PDS5B: variants seen among roughly 807,000 people sequenced by gnomAD.
The protein encoded by PDS5B is PDS5 cohesin associated factor B.
PDS5B carries 51 observed loss-of-function variants against 184.1 expected under a neutral mutation model. That is an observed-to-expected ratio of 0.28 (90% CI 0.22 to 0.35). PDS5B has a LOEUF of 0.35. Among genes scored for constraint, PDS5B ranks in the 10% least tolerant of loss-of-function variants. The pLI is 1.00. For synonymous variants in PDS5B, 566 were observed against 569.2 expected (o/e 0.99, Z 0.08); for missense variants, 1,180 against 1,723.3 (o/e 0.68, Z 5.58).
At chr13:32,589,560 A>G (rs1214086300) in intron 1 of PDS5B, among the ~76,000 whole-genome samples, 1 of 152,180 alleles carries the variant, frequency 6.6e-6, no homozygotes, top group Non-Finnish European at 1.5e-5. Flanking sequence ...TGAAACTTCT[A>G]AGAGTAATTT....
chr13:32,622,337 T>C (rs1237613770), intron 1 of PDS5B, among the ~76,000 whole-genome samples: 2 of 152,206 alleles, frequency 1.3e-5, no homozygotes, highest in Non-Finnish European at 2.9e-5. Context: ...GTTTTTACAT[T>C]TCCTAACATA....
chr13:32,599,290 A>G (rs1475056939), intron 1 of PDS5B, among the ~76,000 whole-genome samples: 3 of 151,116 alleles, frequency 2.0e-5, no homozygotes, highest in African/African-American at 7.3e-5. Flanking sequence ...GCGAGATTGC[A>G]TCTTGTTTTG....
rs1179547550 is a variant in PDS5B, at chr13:32,672,498, A to T, written c.706-718A>T. On this transcript the variant is annotated intron_variant, in intron 7 of 34. Coordinates refer to ENST00000315596, the MANE Select transcript of PDS5B (RefSeq NM_015032.4). The stretch of plus-strand genomic sequence containing the variant: ...TTTATTAGGGGAATTGACTTATGAG[A>T]TTACAGAGTCTGAGAAGTCCGAGAG... 3.3e-5 allele frequency among the ~76,000 whole-genome samples: 5 copies of T among 152,174 alleles called. No individual in the cohort carries two copies. The South Asian group carries it at 8.3e-4, about 25-fold the overall frequency.
chr13:32,738,143 A>C (rs981664673), intron 21 of PDS5B, among the ~76,000 whole-genome samples: 2 of 152,084 alleles, frequency 1.3e-5, no homozygotes, highest in African/African-American at 4.8e-5. Flanking sequence ...GAATATTTCC[A>C]TTTCTTTACT....
intron 1 of PDS5B, among the ~76,000 whole-genome samples, chr13:32,628,435 C>G (rs1482744034): frequency 4.0e-5 from 6 of 151,704 alleles, no homozygotes. Flanking sequence ...GTAATCCCAG[C>G]TACTTGGGAG....
At chr13:32,628,698 C>T (rs778425547) in intron 1 of PDS5B, among the ~76,000 whole-genome samples, 10 of 152,010 alleles carry the variant, frequency 6.6e-5, no homozygotes, top group East Asian at 1.9e-4. Context: ...TAAACCCACA[C>T]GTGTGCACAC....
At chr13:32,647,004 CT>C (rs1950245009) in intron 1 of PDS5B, among the ~76,000 whole-genome samples, 1 of 152,062 alleles carries the variant, frequency 6.6e-6, no homozygotes, top group African/African-American at 2.4e-5. Flanking sequence ...ACTGTGTGTG[CT>C]CTAAATTTTG....
chr13:32,683,773 A>G (rs545589766), intron 10 of PDS5B, 105 bp from the exon 11 acceptor site: 4 of 675,470 alleles, frequency 5.9e-6, no homozygotes, highest in East Asian at 3.1e-5. Context: ...TGAAACTTCT[A>G]TGTAGGTATT....
chr13:32,716,429 C>A (rs570880786), intron 19 of PDS5B, among the ~76,000 whole-genome samples: 1 of 151,406 alleles, frequency 6.6e-6, no homozygotes, highest in African/African-American at 2.4e-5. Flanking sequence ...GCCTGGCAAC[C>A]GCCCCATCTG....
chr13:32,725,239 A>G (rs1343604781), intron 19 of PDS5B, among the ~76,000 whole-genome samples: 1 of 152,206 alleles, frequency 6.6e-6, no homozygotes, highest in Non-Finnish European at 1.5e-5. Context: ...GTGTCCTCCA[A>G]AGGTGACCAG....
At chr13:32,688,620 G>A (rs1170833977) in intron 13 of PDS5B, 51 bp downstream of exon 13, 1 of 1,074,370 alleles carries the variant, frequency 9.3e-7, no homozygotes, top group East Asian at 2.4e-5. Flanking sequence ...CAATATATTG[G>A]ATTTTATGGA....
chr13:32,622,302 A>T (rs1272019624), intron 1 of PDS5B, among the ~76,000 whole-genome samples: 1 of 152,028 alleles, frequency 6.6e-6, no homozygotes, highest in Admixed American at 6.5e-5. Flanking sequence ...TATTTTCTTT[A>T]CTATTCAATT....
chr13:32,687,753 A>G (rs1217227583), intron 12 of PDS5B, among the ~76,000 whole-genome samples: 1 of 152,172 alleles, frequency 6.6e-6, no homozygotes, highest in African/African-American at 2.4e-5. Flanking sequence ...CTAAGATTAG[A>G]TCTTGTATGG....
At position 32,753,549 on chromosome 13, in the gene PDS5B, G is replaced by A. The variant is rs974414463; in HGVS notation, c.2941+13G>A. ...GCAGCTGTTAGTGGTAAGCATATAAGAAAATGGAAAGGATACTTTTTCAGC... is the reference window on the plus strand; with the variant it reads ...GCAGCTGTTAGTGGTAAGCATATAAAAAAATGGAAAGGATACTTTTTCAGC... On this transcript the variant is annotated intron_variant, in intron 25 of 34. Transcript: ENST00000315596. The A allele has an allele frequency of 6.4e-7, 1 of 1,574,156 alleles. No homozygotes were observed. Among genetic ancestry groups the A allele is most frequent in the Non-Finnish European group, 8.7e-7 (1 of 1,150,788 alleles).
At chr13:32,606,997 G>T (rs2058070050) in intron 1 of PDS5B, among the ~76,000 whole-genome samples, 1 of 152,092 alleles carries the variant, frequency 6.6e-6, no homozygotes, top group Non-Finnish European at 1.5e-5. Context: ...GCTTCTTTGC[G>T]ATGGGTTTGA....
intron 1 of PDS5B, among the ~76,000 whole-genome samples, chr13:32,587,413 G>A (rs1349569644): frequency 2.6e-5 from 4 of 152,204 alleles, no homozygotes; most frequent in Admixed American, 6.5e-5. Flanking sequence ...AAAATGGTGT[G>A]CAATTGTGAC....
intron 10 of PDS5B, among the ~76,000 whole-genome samples, chr13:32,681,572 CGA>C (rs1224520834): frequency 6.6e-6 from 1 of 151,108 alleles, no homozygotes; most frequent in Non-Finnish European, 1.5e-5. Context: ...TGCAGTAAGC[CGA>C]GAGATCGCGC....
intron 33 of PDS5B, 94 bp downstream of exon 33, chr13:32,770,855 A>G (rs1954761435): frequency 2.2e-6 from 2 of 929,120 alleles, no homozygotes; most frequent in African/African-American, 3.3e-5. Context: ...TTTAAATTCC[A>G]TATATTTAGC....
intron 1 of PDS5B, among the ~76,000 whole-genome samples, chr13:32,597,379 G>C (rs1489716896): frequency 6.6e-6 from 1 of 151,788 alleles, no homozygotes; most frequent in African/African-American, 2.4e-5. Flanking sequence ...GCAGCATCTG[G>C]GATCTTCAAT....
Sources: gnomAD v4.1 joint callset for allele counts (sites outside exome capture counted in the v4.1 genomes callset) on GRCh38, gnomAD v4.1.1 for gene constraint, MANE v1.5 for transcripts, NCBI Gene and HGNC (gene_info 2026-07-23, HGNC 2026-07-21) for gene names.